Variants in GEMIN8 observed in about 807,000 individuals in gnomAD.
GEMIN8 encodes the protein gem nuclear organelle associated protein 8, also known as gem-associated protein 8.
For synonymous variants in GEMIN8, 80 were observed against 78.5 expected (o/e 1.02, Z -0.10); for missense variants, 185 against 205.9 (o/e 0.90, Z 0.62).
In GEMIN8 at chrX:14,020,310, A is replaced by G. The variant is rs1482275227; in HGVS notation, c.240T>C (p.His80=). ...AAYPQSFYDH[H]VAWQDYPCSS... is the part of the protein sequence containing the mutation. ...TGCAGGGGTAGTCCTGCCAGGCCAC[A>G]TGATGGTCATAGAAGGACTGAGGAT... The change falls in exon 4 of 5, where the codon CAT becomes CAC. Residue 80 remains histidine, a synonymous_variant. Transcript: ENST00000680255. 28 of 1,207,321 alleles carry G rather than the reference A, an allele frequency of 2.3e-5. No homozygotes were observed. The highest frequency in any genetic ancestry group is 6.5e-5 in the Admixed American group (3 of 45,815).
the GEMIN8 span, among the ~76,000 whole-genome samples, chrX:13,997,085 G>C: frequency 9.1e-6 from 1 of 109,714 alleles, no homozygotes; most frequent in African/African-American, 3.3e-5. Context: ...AGGACTACAG[G>C]TGTGCGTCAC....
chrX:14,013,355 C>G (rs1476174380), intron 4 of GEMIN8, among the ~76,000 whole-genome samples: 2 of 112,041 alleles, frequency 1.8e-5, no homozygotes, highest in Non-Finnish European at 3.8e-5. Flanking sequence ...TTGCCATACA[C>G]TTTTATAGGG....
rs745740049 is a variant in GEMIN8 at position 14,015,144 on chromosome X, C to G, written c.472+4934G>C. Among the ~76,000 whole-genome samples the G allele has an allele frequency of 8.9e-5, 10 of 111,769 alleles. No homozygotes were observed. In the South Asian group the frequency reaches 3.8e-3, roughly 42 times the overall value. ...CATAAATACCTGATTGGCTCAAACC[C>G]GAGAAAACAGTGGTGGTGTTTGTTT... On this transcript the variant is annotated intron_variant, in intron 4 of 4. Coordinates refer to ENST00000680255, the MANE Select transcript of GEMIN8 (RefSeq NM_001042479.2).
chrX:14,013,873 A>T (rs1246091756), intron 4 of GEMIN8: 29 of 557,705 alleles, frequency 5.2e-5, no homozygotes, highest in Non-Finnish European at 6.3e-5. Context: ...ATATGCATAT[A>T]GGTTAAAACA....
At position 14,008,086 on chromosome X, in the gene GEMIN8, TCC is replaced by T; in HGVS notation, c.*825_*826del. ...CCTCTGCCTCCTGGGTTCAAGCAAT[TCC>T]CCTGCCTCAGTCTCCCACGTAGCTG... On this transcript the variant is annotated 3_prime_UTR_variant, in exon 5 of 5. Transcript: ENST00000680255. Among the ~76,000 whole-genome samples the T allele has an allele frequency of 9.1e-6, 1 of 110,120 alleles. No homozygotes were observed. Among genetic ancestry groups the T allele is most frequent in the East Asian group, 2.9e-4 (1 of 3,495 alleles).
the GEMIN8 span, among the ~76,000 whole-genome samples, chrX:13,986,317 T>C: frequency 8.9e-6 from 1 of 112,430 alleles, no homozygotes; most frequent in African/African-American, 3.2e-5. Context: ...GGTGGCCATG[T>C]GTATCAGAAA....
In GEMIN8 at chrX:14,022,404, C is replaced by G. The variant is rs773189355; in HGVS notation, c.-33-893G>C. On this transcript the variant is annotated intron_variant, in intron 2 of 4. Coordinates refer to ENST00000680255, the MANE Select transcript of GEMIN8 (RefSeq NM_001042479.2). ...TCCTTGCCTAACCACCCTGTCTCTT[C>G]ACAGGAGAAAAAAACACTCCATGGA... Among the ~76,000 whole-genome samples, 12 of 111,290 alleles carry G rather than the reference C, an allele frequency of 1.1e-4. No individual in the cohort carries two copies. In the South Asian group the frequency reaches 4.5e-3, roughly 42 times the overall value.
rs1924231653 is a variant in GEMIN8, at chrX:14,020,413, A to T, written c.137T>A (p.Val46Glu). Reference sequence around the variant, plus strand: ...CCATGGAAGATTGAAACAGGATTCCACGGCCTTCCTGTAGGCATTGTGATG... The same window carrying T: ...CCATGGAAGATTGAAACAGGATTCCTCGGCCTTCCTGTAGGCATTGTGATG... Reference protein sequence around the residue: ...QSHHNAYRKAVESCFNLPWYL... With the variant: ...QSHHNAYRKAEESCFNLPWYL... The change falls in exon 4 of 5, where the codon GTG (valine) becomes GAG (glutamate). Residue 46 changes from valine to glutamate, a missense_variant. Physicochemically the swap from Val to Glu is moderately radical, Grantham distance 121. Coordinates refer to ENST00000680255, the MANE Select transcript of GEMIN8 (RefSeq NM_001042479.2). 1.7e-6 allele frequency: 2 copies of T among 1,205,650 alleles called. No homozygotes were observed. Among genetic ancestry groups the T allele is most frequent in the Non-Finnish European group, 1.1e-6 (1 of 891,166 alleles).
intron 4 of GEMIN8, among the ~76,000 whole-genome samples, chrX:14,017,200 CT>C (rs2147128579): frequency 9.0e-6 from 1 of 110,809 alleles, no homozygotes; most frequent in South Asian, 3.8e-4. Context: ...ACGAGAACCT[CT>C]AATCAGCGAG....
chrX:13,985,836 G>A, the GEMIN8 span, among the ~76,000 whole-genome samples: 1 of 111,545 alleles, frequency 9.0e-6, no homozygotes, highest in African/African-American at 3.3e-5. Flanking sequence ...AGATATGCAT[G>A]TCTACCATAA....
At chrX:14,009,738 A>G (rs748218021) in intron 4 of GEMIN8, among the ~76,000 whole-genome samples, 1 of 111,587 alleles carries the variant, frequency 9.0e-6, no homozygotes, top group African/African-American at 3.3e-5. Context: ...GGTTTCAAAC[A>G]CTGCCCCAGG....
downstream of GEMIN8, among the ~76,000 whole-genome samples, chrX:14,006,634 G>A (rs985227130): frequency 2.7e-5 from 3 of 111,490 alleles, no homozygotes; most frequent in Non-Finnish European, 5.6e-5. Flanking sequence ...GCATCCATTC[G>A]GAGAGCTGAC....
chrX:14,002,498 T>C (rs1923012067), downstream of GEMIN8, among the ~76,000 whole-genome samples: 1 of 111,225 alleles, frequency 9.0e-6, no homozygotes, highest in Non-Finnish European at 1.9e-5. Flanking sequence ...TAGTTATTTA[T>C]TTATTTGAGA....
At chrX:14,015,618 C>T (rs747201974) in intron 4 of GEMIN8, among the ~76,000 whole-genome samples, 13 of 112,130 alleles carry the variant, frequency 1.2e-4, no homozygotes, top group African/African-American at 4.2e-4. Context: ...AAGACTCAGG[C>T]GATGATGAAT....
intron 2 of GEMIN8, among the ~76,000 whole-genome samples, chrX:14,023,434 C>T (rs1924495657): frequency 9.2e-6 from 1 of 108,266 alleles, no homozygotes; most frequent in Non-Finnish European, 1.9e-5. Context: ...GGCTGGAGTG[C>T]AATGGCATGA....
intron 4 of GEMIN8, among the ~76,000 whole-genome samples, chrX:14,012,313 G>A (rs1216441217): frequency 9.3e-6 from 1 of 107,214 alleles, no homozygotes; most frequent in African/African-American, 3.4e-5. Flanking sequence ...TTTTGGAGAT[G>A]GGGTTTTGCC....
chrX:14,011,809 T>G (rs1923570845), intron 4 of GEMIN8, among the ~76,000 whole-genome samples: 1 of 111,559 alleles, frequency 9.0e-6, no homozygotes, highest in Admixed American at 9.5e-5. Context: ...CGGTAGGATG[T>G]TGTGAGTTTA....
intron 4 of GEMIN8, chrX:14,013,786 C>A (rs1036579279): frequency 4.3e-5 from 5 of 115,962 alleles, no homozygotes; most frequent in Non-Finnish European, 7.5e-5. Flanking sequence ...GAGAATAAAT[C>A]TGTTTTTTTT....
intron 3 of GEMIN8, 80 bp downstream of exon 3, chrX:14,021,384 T>G: frequency 1.7e-6 from 1 of 590,451 alleles, no homozygotes; most frequent in Non-Finnish European, 2.8e-6. Flanking sequence ...ACCCTAAAAC[T>G]TAAAGTATAA....
Sources: allele counts gnomAD v4.1 joint callset (sites outside exome capture counted in the v4.1 genomes callset), GRCh38; gene constraint gnomAD v4.1.1; transcripts MANE v1.5; gene names NCBI Gene and HGNC (gene_info 2026-07-23, HGNC 2026-07-21).